Variants in GALNT13 observed in about 807,000 individuals in gnomAD.
GALNT13 encodes the protein UDP-GalNAc:polypeptide N-acetylgalactosaminyltransferase 13.
Under a neutral mutation model 64.2 loss-of-function variants are expected in GALNT13, and 28 were observed. The observed-to-expected ratio is 0.44, with a 90% CI of 0.32 to 0.60. The LOEUF (loss-of-function observed/expected upper bound fraction) is 0.60, where lower values mean the gene tolerates loss of function less well. Ranked by LOEUF, GALNT13 falls within the 20% of genes least tolerant of loss-of-function variation. GALNT13 has a pLI of 0.05. For synonymous variants in GALNT13, 214 were observed against 224.6 expected (o/e 0.95, Z 0.42); for missense variants, 577 against 669.8 (o/e 0.86, Z 1.53).
chr2:153,280,153 A>G, the GALNT13 span, among the ~76,000 whole-genome samples: 4 of 152,022 alleles, frequency 2.6e-5, no homozygotes, highest in Non-Finnish European at 5.9e-5. Flanking sequence ...GTTTGTGTGC[A>G]TAGGTATGTA....
intron 12 of GALNT13, among the ~76,000 whole-genome samples, chr2:154,439,970 T>G (rs1332313559): frequency 6.6e-6 from 1 of 152,168 alleles, no homozygotes; most frequent in East Asian, 1.9e-4. Context: ...CAACTATTAT[T>G]TATTGGTACC....
the GALNT13 span, among the ~76,000 whole-genome samples, chr2:153,690,531 A>C: frequency 6.6e-6 from 1 of 152,142 alleles, no homozygotes. Flanking sequence ...GAGGTACCCC[A>C]AATGCTACCC....
chr2:153,622,499 G>C, the GALNT13 span, among the ~76,000 whole-genome samples: 1 of 152,142 alleles, frequency 6.6e-6, no homozygotes. Flanking sequence ...GTTGAGGTAA[G>C]GCAAAGATGA....
chr2:153,091,424 C>T, the GALNT13 span, among the ~76,000 whole-genome samples: 4 of 152,306 alleles, frequency 2.6e-5, no homozygotes, highest in East Asian at 7.7e-4. Context: ...GATGTGTGTT[C>T]AGAGGCAGGT....
At chr2:153,107,443 AAC>A in the GALNT13 span, among the ~76,000 whole-genome samples, 6 of 152,142 alleles carry the variant, frequency 3.9e-5, no homozygotes, top group Non-Finnish European at 5.9e-5. Flanking sequence ...TGTTTTTTAA[AAC>A]ATGTTCCTTA....
chr2:154,196,599 A>T (rs1376752072), intron 4 of GALNT13, among the ~76,000 whole-genome samples: 3 of 152,240 alleles, frequency 2.0e-5, no homozygotes, highest in Non-Finnish European at 4.4e-5. Context: ...GATTCAATCA[A>T]CATGATCATT....
the GALNT13 span, among the ~76,000 whole-genome samples, chr2:153,095,158 C>T: frequency 5.3e-5 from 8 of 152,158 alleles, no homozygotes; most frequent in Non-Finnish European, 8.8e-5. Context: ...GGGCTAATAT[C>T]CAGAATTTAC....
chr2:153,411,515 G>A, the GALNT13 span, among the ~76,000 whole-genome samples: 1 of 152,126 alleles, frequency 6.6e-6, no homozygotes, highest in Non-Finnish European at 1.5e-5. Context: ...GCATGAGAAT[G>A]TATGCATGAC....
At chr2:153,435,145 T>G in the GALNT13 span, among the ~76,000 whole-genome samples, 1 of 152,234 alleles carries the variant, frequency 6.6e-6, no homozygotes, top group South Asian at 2.1e-4. Context: ...GTTGTAGATA[T>G]GCGGCATTAT....
the GALNT13 span, among the ~76,000 whole-genome samples, chr2:153,461,729 G>A: frequency 2.6e-5 from 4 of 152,064 alleles, no homozygotes; most frequent in Admixed American, 6.6e-5. Context: ...ACAGGGAAGG[G>A]ACTTCTGCAA....
At chr2:153,983,187 A>G (rs896836211) in intron 3 of GALNT13, among the ~76,000 whole-genome samples, 1 of 151,868 alleles carries the variant, frequency 6.6e-6, no homozygotes, top group Non-Finnish European at 1.5e-5. Flanking sequence ...TGTTTGCTGA[A>G]TTTTTGAGTA....
the GALNT13 span, among the ~76,000 whole-genome samples, chr2:153,436,922 T>G: frequency 2.6e-5 from 4 of 152,294 alleles, no homozygotes; most frequent in East Asian, 1.9e-4. Flanking sequence ...GATGTTAGGG[T>G]GTCAATTTTG....
chr2:153,772,378 C>T, the GALNT13 span, among the ~76,000 whole-genome samples: 1 of 152,186 alleles, frequency 6.6e-6, no homozygotes. Flanking sequence ...TAGGTGCTCT[C>T]TCTTGGCCTG....
the GALNT13 span, among the ~76,000 whole-genome samples, chr2:153,222,531 C>A: frequency 2.6e-4 from 39 of 152,130 alleles, no homozygotes; most frequent in Non-Finnish European, 5.0e-4. Context: ...GAGGACCCAC[C>A]CCTTTCTGCC....
At chr2:153,882,168 C>G (rs1686828164) in intron 1 of GALNT13, among the ~76,000 whole-genome samples, 1 of 144,018 alleles carries the variant, frequency 6.9e-6, no homozygotes, top group African/African-American at 2.6e-5. Flanking sequence ...AGGAAACTGC[C>G]TAGAATGTAG....
intron 4 of GALNT13, among the ~76,000 whole-genome samples, chr2:154,144,037 G>A (rs1403739018): frequency 1.3e-5 from 2 of 151,994 alleles, no homozygotes; most frequent in South Asian, 4.1e-4. Flanking sequence ...ATAAAATCCT[G>A]TATATACTGT....
chr2:153,633,515 A>G, the GALNT13 span, among the ~76,000 whole-genome samples: 4 of 152,190 alleles, frequency 2.6e-5, no homozygotes, highest in Admixed American at 2.6e-4. Context: ...TGTTATTTAC[A>G]GACATTTTGA....
intron 2 of GALNT13, among the ~76,000 whole-genome samples, chr2:153,918,253 CT>C (rs1331345939): frequency 1.3e-5 from 2 of 152,114 alleles, no homozygotes; most frequent in Non-Finnish European, 2.9e-5. Flanking sequence ...AACTGAAATC[CT>C]TGGAAGGTAA....
At chr2:153,833,298 C>A in the GALNT13 span, among the ~76,000 whole-genome samples, 1 of 152,220 alleles carries the variant, frequency 6.6e-6, no homozygotes, top group African/African-American at 2.4e-5. Flanking sequence ...AGCTATAACA[C>A]ACTTTTTTAA....
Sources: gnomAD v4.1 joint callset for allele counts (sites outside exome capture counted in the v4.1 genomes callset) on GRCh38, gnomAD v4.1.1 for gene constraint, MANE v1.5 for transcripts, NCBI Gene and HGNC (gene_info 2026-07-23, HGNC 2026-07-21) for gene names.